VEGFB: variants seen among roughly 807,000 people sequenced by gnomAD.
The protein encoded by VEGFB is vascular endothelial growth factor B, also known as VEGF-related factor.
Under a neutral mutation model 22.5 loss-of-function variants are expected in VEGFB, and 24 were observed. That is an observed-to-expected ratio of 1.07 (90% CI 0.77 to 1.50). VEGFB has a LOEUF of 1.50. Ranked by LOEUF, VEGFB falls within the 40% of genes most tolerant of loss-of-function variation. The pLI, the probability that VEGFB is intolerant of heterozygous loss-of-function variation, is 0.00. For missense variants in VEGFB, 327 were observed against 287.8 expected, an observed-to-expected ratio of 1.14 and a Z score of -0.99; for synonymous variants, 141 against 117.4, an observed-to-expected ratio of 1.20 and a Z score of -1.30.
In VEGFB at chr11:64,234,960, G is replaced by A. The variant is rs1186645922; in HGVS notation, c.60+67G>A. The A allele has an allele frequency of 3.2e-5, 39 of 1,227,030 alleles. No homozygotes were observed. The Admixed American group carries it at 3.3e-4, about 10-fold the overall frequency. 76.0% of individuals were successfully genotyped at this position (1,227,030 alleles called of 1,614,324 possible). A position where few individuals can be genotyped will look rare whatever the true frequency, so the allele number is the denominator to read the frequency against. ...CTCTCTCAAGGTTGGCGGAAGTGAG[G>A]AGGCGACCCGCGGCCTCGGCCGAGG... is the stretch of plus-strand genomic sequence containing the variant. On this transcript the variant is annotated intron_variant, in intron 1 of 6. Transcript: ENST00000309422. The surrounding 1 kb of genome is among the most constrained non-coding windows in gnomAD (Gnocchi z 5.3).
At chr11:64,237,848 C>T in intron 6 of VEGFB, 193 bp downstream of exon 6, 1 of 570,678 alleles carries the variant, frequency 1.8e-6, no homozygotes, top group Non-Finnish European at 3.0e-6. Flanking sequence ...ACTCAGGAGT[C>T]AGATACAGGA....
Position 64,237,579 on chromosome 11 carries a change from TGCCGCTGCCGCTGCCGAC to T in VEGFB, c.576_593del (p.Ala194_Ala199del). 1 of 1,592,190 alleles carries T rather than the reference TGCCGCTGCCGCTGCCGAC, an allele frequency of 6.3e-7. No homozygotes were observed. On this transcript the variant is annotated inframe_deletion, in exon 6 of 7. Transcript: ENST00000309422. Reference sequence around the variant, plus strand: ...CCACCAGCGCCCTGACCCCCGGACCTGCCGCTGCCGCTGCCGACGCCGCAGCTTCCTCCGTTGCCAAGG... The same window carrying T: ...CCACCAGCGCCCTGACCCCCGGACCTGCCGCAGCTTCCTCCGTTGCCAAGG...
intron 6 of VEGFB, 80 bp from the exon 7 acceptor site, chr11:64,238,276 A>G (rs2030242818): frequency 4.7e-6 from 7 of 1,505,376 alleles, no homozygotes; most frequent in Non-Finnish European, 6.2e-6. Flanking sequence ...TTGTGATCTT[A>G]GTGGGCCCGA....
Position 64,237,484 on chromosome 11 carries a change from G to T in VEGFB, c.475G>T (p.Ala159Ser). The change falls in exon 6 of 7, where the codon GCA becomes TCA. Residue 159 changes from alanine to serine, a missense_variant. Coordinates refer to ENST00000309422, the MANE Select transcript of VEGFB (RefSeq NM_003377.5). Reference sequence around the variant, plus strand: ...TCCGGGCTGGGACTCTGCCCCCGGAGCACCCTCCCCAGCTGACATCACCCA... The same window carrying T: ...TCCGGGCTGGGACTCTGCCCCCGGATCACCCTCCCCAGCTGACATCACCCA... Reference protein sequence around the residue: ...SVPGWDSAPGAPSPADITHPT... With the variant: ...SVPGWDSAPGSPSPADITHPT... 6.2e-7 allele frequency: 1 copy of T among 1,612,216 alleles called. No individual in the cohort carries two copies. The highest frequency in any genetic ancestry group is 8.5e-7 in the Non-Finnish European group (1 of 1,179,692).
rs778291669 is a variant in VEGFB at position 64,237,635 on chromosome 11, G to A, written c.*2G>A. Reference sequence around the variant, plus strand: ...TCCGTTGCCAAGGGCGGGGCTTAGAGCTCAACCCAGACACCTGCAGGTGAG... The same window carrying A: ...TCCGTTGCCAAGGGCGGGGCTTAGAACTCAACCCAGACACCTGCAGGTGAG... On this transcript the variant is annotated 3_prime_UTR_variant, in exon 6 of 7. Coordinates refer to ENST00000309422, the MANE Select transcript of VEGFB (RefSeq NM_003377.5). 1.9e-6 allele frequency: 3 copies of A among 1,547,882 alleles called. No individual in the cohort carries two copies. Among genetic ancestry groups the A allele is most frequent in the South Asian group, 2.3e-5 (2 of 86,694 alleles).
rs1591078387 is a variant in VEGFB at position 64,234,973 on chromosome 11, G to T, written c.60+80G>T. The T allele has an allele frequency of 1.7e-6, 2 of 1,176,004 alleles. No homozygotes were observed. Among genetic ancestry groups the T allele is most frequent in the Non-Finnish European group, 2.2e-6 (2 of 929,550 alleles). The allele number at this position is 1,176,004 out of a possible 1,614,324, so 72.8% of individuals were successfully genotyped here. A position where few individuals can be genotyped will look rare whatever the true frequency, so the allele number is the denominator to read the frequency against. ...GGCGGAAGTGAGGAGGCGACCCGCG[G>T]CCTCGGCCGAGGGGATCTGCGGGGT... On this transcript the variant is annotated intron_variant, in intron 1 of 6. Transcript: ENST00000309422. The surrounding 1 kb of genome is among the most constrained non-coding windows in gnomAD (Gnocchi z 5.3).
In VEGFB at chr11:64,235,900, T is replaced by C; in HGVS notation, c.191T>C (p.Val64Ala). The part of the protein sequence containing the change: ...VPLTVELMGT[V>A]AKQLVPSCVT... ...TTGACTGTGGAGCTCATGGGCACCG[T>C]GGCCAAACAGCTGGTGCCCAGCTGC... The change falls in exon 3 of 7, where the codon GTG (valine) becomes GCG (alanine). Residue 64 changes from valine to alanine, a missense_variant. Val to Ala is a moderately conservative substitution (Grantham distance 64). Transcript: ENST00000309422. 1 of 1,613,814 alleles carries C rather than the reference T, an allele frequency of 6.2e-7. No individual in the cohort carries two copies. Among genetic ancestry groups the C allele is most frequent in the Non-Finnish European group, 8.5e-7 (1 of 1,180,006 alleles).
chr11:64,237,703 T>C lies in VEGFB; in HGVS notation c.*22+48T>C, dbSNP rs1417232247. On this transcript the variant is annotated intron_variant, in intron 6 of 6. Transcript: ENST00000309422. ...TTTGTTTGGGAAGGCACCAAGGCCC[T>C]GTCCTGGAGCAGGTCCAGGGTGAGC... The C allele has an allele frequency of 2.0e-6, 3 of 1,477,500 alleles. No individual in the cohort carries two copies. The South Asian group carries it at 3.7e-5, about 18-fold the overall frequency. The allele number at this position is 1,477,500 out of a possible 1,614,324, so 91.5% of individuals were successfully genotyped here.
rs1045035797 is a variant in VEGFB at position 64,238,384 on chromosome 11, G to A, written c.*51G>A. On this transcript the variant is annotated 3_prime_UTR_variant, in exon 7 of 7. Coordinates refer to ENST00000309422, the MANE Select transcript of VEGFB (RefSeq NM_003377.5). ...CCGGAAGCTGCGAAGGTGACACATG[G>A]CTTTTCAGACTCAGCAGGGTGACTT... 6.5e-7 allele frequency: 1 copy of A among 1,536,150 alleles called. No individual in the cohort carries two copies. The highest frequency in any genetic ancestry group is 8.7e-7 in the Non-Finnish European group (1 of 1,146,862).
rs147646574 is a variant in VEGFB at position 64,237,202 on chromosome 11, C to T, written c.390C>T (p.Asp130=). 6.2e-6 allele frequency: 10 copies of T among 1,606,930 alleles called. No individual in the cohort carries two copies. Among genetic ancestry groups the T allele is most frequent in the East Asian group, 4.5e-5 (2 of 44,706 alleles). ...TACTTTTCAGACCTAAAAAAAAGGA[C>T]AGTGCTGTGAAGCCAGACAGGTGAG... ...SQCECRPKKK[D]SAVKPDRAAT... is the part of the protein sequence containing the mutation. The change falls in exon 5 of 7, where the codon GAC becomes GAT. Residue 130 remains aspartate (D), a synonymous_variant. Transcript: ENST00000309422.
Position 64,235,879 on chromosome 11 carries a change from C to T in VEGFB, c.170C>T (p.Thr57Ile). 2 of 1,613,962 alleles carry T rather than the reference C, an allele frequency of 1.2e-6. No homozygotes were observed. Among genetic ancestry groups the T allele is most frequent in the East Asian group, 2.2e-5 (1 of 44,886 alleles). The change falls in exon 3 of 7, where the codon ACT (threonine) becomes ATT (isoleucine). Residue 57 changes from threonine (T) to isoleucine (I), a missense_variant. Coordinates refer to ENST00000309422, the MANE Select transcript of VEGFB (RefSeq NM_003377.5). ...CQPREVVVPL[T>I]VELMGTVAKQ... Reference sequence around the variant, plus strand: ...CCCCGGGAGGTGGTGGTGCCCTTGACTGTGGAGCTCATGGGCACCGTGGCC... The same window carrying T: ...CCCCGGGAGGTGGTGGTGCCCTTGATTGTGGAGCTCATGGGCACCGTGGCC...
rs758915327 is a variant in VEGFB, at chr11:64,237,583, G to A, written c.574G>A (p.Ala192Thr). 9 of 1,593,074 alleles carry A rather than the reference G, an allele frequency of 5.6e-6. No homozygotes were observed. In the Middle Eastern group the frequency reaches 5.0e-4, roughly 88 times the overall value. The change falls in exon 6 of 7, where the codon GCT becomes ACT. Residue 192 changes from alanine (A) to threonine (T), a missense_variant. By Grantham distance (58) the Ala-to-Thr change is moderately conservative. Coordinates refer to ENST00000309422, the MANE Select transcript of VEGFB (RefSeq NM_003377.5). ...TTSALTPGPA[A>T]AAADAAASSV... is the part of the protein sequence containing the mutation. ...CAGCGCCCTGACCCCCGGACCTGCC[G>A]CTGCCGCTGCCGACGCCGCAGCTTC...
Position 64,235,458 on chromosome 11 carries a change from G to T in VEGFB, c.61G>T (p.Ala21Ser), listed in dbSNP as rs1591078825. The T allele has an allele frequency of 6.2e-7, 1 of 1,613,780 alleles. No individual in the cohort carries two copies. The highest frequency in any genetic ancestry group is 2.2e-5 in the East Asian group (1 of 44,882). Residue 21 changes from alanine (A) to serine (S), a missense_variant and splice_region_variant, in exon 2 of 7, where the codon GCC (alanine) becomes TCC (serine). Transcript: ENST00000309422. ...GGTACAGGTCTTTTCTCTCCCACAG[G>T]CCCCTGTCTCCCAGCCTGATGCCCC... Reference protein sequence around the residue: ...AALLQLAPAQAPVSQPDAPGH... With the variant: ...AALLQLAPAQSPVSQPDAPGH...
In VEGFB at chr11:64,237,651, T is replaced by C. The variant is rs987608909; in HGVS notation, c.*18T>C. 26 of 1,525,802 alleles carry C rather than the reference T, an allele frequency of 1.7e-5. No homozygotes were observed. The highest frequency in any genetic ancestry group is 3.5e-6 in the Non-Finnish European group (4 of 1,135,524). 94.5% of individuals were successfully genotyped at this position (1,525,802 alleles called of 1,614,324 possible). On this transcript the variant is annotated 3_prime_UTR_variant, in exon 6 of 7. Transcript: ENST00000309422. ...GGGCTTAGAGCTCAACCCAGACACC[T>C]GCAGGTGAGGCGTCTGTGGGGTGGT... is the stretch of plus-strand genomic sequence containing the variant.
chr11:64,237,839 C>G, intron 6 of VEGFB, 184 bp downstream of exon 6: 1 of 586,682 alleles, frequency 1.7e-6, no homozygotes. Flanking sequence ...AACATTCTAA[C>G]TCAGGAGTCA....
chr11:64,235,975 G>A lies in VEGFB; in HGVS notation c.266G>A (p.Cys89Tyr), dbSNP rs768792136. 1.2e-6 allele frequency: 2 copies of A among 1,606,978 alleles called. No individual in the cohort carries two copies. The highest frequency in any genetic ancestry group is 8.5e-7 in the Non-Finnish European group (1 of 1,177,380). ...TGCTGCCCTGACGATGGCCTGGAGT[G>A]TGTGCCCACTGGGCAGCACCAAGTC... ...GGCCPDDGLE[C>Y]VPTGQHQVRM... Residue 89 changes from cysteine (C) to tyrosine (Y), a missense_variant, in exon 3 of 7, where the codon TGT becomes TAT. By Grantham distance (194) the Cys-to-Tyr change is radical. Transcript: ENST00000309422.
chr11:64,234,854 C>T lies in VEGFB; in HGVS notation c.21C>T (p.Arg7=), dbSNP rs1327160732. Residue 7 remains arginine (R), a synonymous_variant, in exon 1 of 7, where the codon CGC becomes CGT. Coordinates refer to ENST00000309422, the MANE Select transcript of VEGFB (RefSeq NM_003377.5). The surrounding 1 kb of genome is among the most constrained non-coding windows in gnomAD (Gnocchi z 5.3). The stretch of plus-strand genomic sequence containing the variant: ...GCACCATGAGCCCTCTGCTCCGCCG[C>T]CTGCTGCTCGCCGCACTCCTGCAGC... MSPLLR[R]LLLAALLQLA... is the part of the protein sequence containing the mutation. 4.4e-5 allele frequency: 57 copies of T among 1,287,068 alleles called. No individual in the cohort carries two copies. Among genetic ancestry groups the T allele is most frequent in the Non-Finnish European group, 5.3e-5 (54 of 1,013,526 alleles). 79.7% of individuals were successfully genotyped at this position (1,287,068 alleles called of 1,614,324 possible).
Position 64,236,023 on chromosome 11 carries a change from G to A in VEGFB, c.300+14G>A. ...GTCCGGATGCAGGTACTGGGCAGGT[G>A]GGGCAACGGGCAGGGGATGCAGGTA... On this transcript the variant is annotated intron_variant, in intron 3 of 6. Coordinates refer to ENST00000309422, the MANE Select transcript of VEGFB (RefSeq NM_003377.5). 1.3e-6 allele frequency: 2 copies of A among 1,570,774 alleles called. No individual in the cohort carries two copies. The highest frequency in any genetic ancestry group is 1.7e-6 in the Non-Finnish European group (2 of 1,158,252).
At chr11:64,237,370 T>C in intron 5 of VEGFB, 50 bp from the exon 6 acceptor site, 1 of 1,535,378 alleles carries the variant, frequency 6.5e-7, no homozygotes, top group African/African-American at 1.4e-5. Flanking sequence ...ACCCCAGCTC[T>C]AGGGAAGACT....
Sources: gnomAD v4.1 joint callset for allele counts on GRCh38, gnomAD v4.1.1 for gene constraint, Gnocchi (gnomAD v3.1) non-coding constraint, MANE v1.5 for transcripts, NCBI Gene and HGNC (gene_info 2026-07-23, HGNC 2026-07-21) for gene names.